Variants in MLLT10 observed in about 807,000 individuals in gnomAD.
The protein encoded by MLLT10 is MLLT10 histone lysine methyltransferase DOT1L cofactor, also known as protein AF-10.
MLLT10 carries 30 observed loss-of-function variants against 129.1 expected under a neutral mutation model. That is an observed-to-expected ratio of 0.23 (90% CI 0.17 to 0.32). The LOEUF is 0.32. Among genes scored for constraint, MLLT10 ranks in the 10% least tolerant of loss-of-function variants. The probability of loss-of-function intolerance (pLI) is 1.00; values close to 1 mark genes in which losing one functional copy is unlikely to be tolerated. For missense variants in MLLT10, 1,119 were observed against 1,268.3 expected, an observed-to-expected ratio of 0.88 and a Z score of 1.79; for synonymous variants, 490 against 446.4, an observed-to-expected ratio of 1.10 and a Z score of -1.23.
At chr10:21,688,656 G>C in intron 13 of MLLT10, 1 of 700,186 alleles carries the variant, frequency 1.4e-6, no homozygotes, top group Non-Finnish European at 2.3e-6. Context: ...AAAAAAAAAT[G>C]ATGCCTGAAA....
chr10:21,681,222 T>C, intron 11 of MLLT10, 110 bp from the exon 12 acceptor site: 1 of 1,417,802 alleles, frequency 7.1e-7, no homozygotes, highest in Non-Finnish European at 9.8e-7. Flanking sequence ...GTGGCCTACT[T>C]AACTACACTT....
chr10:21,647,274 A>T (rs1748041188), intron 8 of MLLT10, among the ~76,000 whole-genome samples: 1 of 152,036 alleles, frequency 6.6e-6, no homozygotes, highest in African/African-American at 2.4e-5. Flanking sequence ...AAGTATGATA[A>T]ACTGTATTTA....
chr10:21,740,070 A>G lies in MLLT10; in HGVS notation c.2996A>G (p.His999Arg), dbSNP rs757775439. The change falls in exon 22 of 23, where the codon CAC (histidine) becomes CGC (arginine). Residue 999 changes from histidine (H) to arginine (R), a missense_variant. This residue lies in a region of MLLT10 where 1,004 missense variants were observed against 1,008.7 expected (regional missense o/e 1.00). Transcript: ENST00000307729. ...QAFLYQLMQH[H>R]HQQHHQPELQ... The stretch of plus-strand genomic sequence containing the variant: ...TTTTTGTATCAGTTAATGCAACATC[A>G]CCACCAGCAGCACCACCAACCTGAA... 6.2e-7 allele frequency: 1 copy of G among 1,613,576 alleles called. No individual in the cohort carries two copies. Among genetic ancestry groups the G allele is most frequent in the African/African-American group, 1.3e-5 (1 of 74,996 alleles).
At chr10:21,603,057 T>G (rs1410670326) in intron 5 of MLLT10, among the ~76,000 whole-genome samples, 1 of 151,504 alleles carries the variant, frequency 6.6e-6, no homozygotes, top group Admixed American at 6.6e-5. Context: ...TCAAAAAATT[T>G]TTTTCTTTTT....
intron 3 of MLLT10, among the ~76,000 whole-genome samples, chr10:21,569,853 G>A (rs1396345690): frequency 6.6e-6 from 1 of 152,064 alleles, no homozygotes; most frequent in Non-Finnish European, 1.5e-5. Context: ...TAGCCTTCCC[G>A]AGTAGCTAGA....
chr10:21,672,168 AGTGTGTGTGT>A (rs55769872), intron 10 of MLLT10, among the ~76,000 whole-genome samples: 90 of 134,376 alleles, frequency 6.7e-4, no homozygotes, highest in Middle Eastern at 3.8e-3. Context: ...CCAGGTTTTC[AGTGTGTGTGT>A]GTGTGTGTGT....
At chr10:21,728,604 TTTG>T (rs2057703326) in intron 16 of MLLT10, among the ~76,000 whole-genome samples, 2 of 152,190 alleles carry the variant, frequency 1.3e-5, no homozygotes, top group African/African-American at 4.8e-5. Context: ...GTGCGTTCTC[TTTG>T]TTTTCTCCAT....
At chr10:21,581,101 A>G (rs967940209) in intron 3 of MLLT10, among the ~76,000 whole-genome samples, 1 of 146,292 alleles carries the variant, frequency 6.8e-6, no homozygotes, top group South Asian at 2.1e-4. Context: ...GCTAGAGTGC[A>G]GTGGCACGAT....
At chr10:21,709,248 C>CT (rs2055843320) in intron 13 of MLLT10, among the ~76,000 whole-genome samples, 1 of 113,838 alleles carries the variant, frequency 8.8e-6, no homozygotes, top group East Asian at 2.7e-4. Context: ...TTTTTTTTTC[C>CT]TTTTTTTGAG....
intron 8 of MLLT10, among the ~76,000 whole-genome samples, chr10:21,641,304 A>G (rs2047975660): frequency 2.0e-5 from 3 of 152,250 alleles, no homozygotes; most frequent in Admixed American, 6.5e-5. Context: ...ATTGAGAAAT[A>G]GCCATCACTT....
intron 13 of MLLT10, among the ~76,000 whole-genome samples, chr10:21,704,368 T>C (rs2055282217): frequency 7.8e-6 from 1 of 128,100 alleles, no homozygotes; most frequent in African/African-American, 2.7e-5. Flanking sequence ...TATATATATA[T>C]ATATATATAT....
intron 8 of MLLT10, among the ~76,000 whole-genome samples, chr10:21,617,734 T>A (rs1053049885): frequency 3.3e-5 from 5 of 152,226 alleles, no homozygotes; most frequent in African/African-American, 4.8e-5. Flanking sequence ...CTAATCTGTC[T>A]TTTTCTGACT....
chr10:21,658,135 A>C (rs1016364922), intron 9 of MLLT10, among the ~76,000 whole-genome samples: 5 of 152,204 alleles, frequency 3.3e-5, no homozygotes, highest in African/African-American at 1.2e-4. Context: ...TCATAAATAT[A>C]TTATACACGA....
intron 3 of MLLT10, among the ~76,000 whole-genome samples, chr10:21,560,595 C>A (rs1014727313): frequency 4.6e-5 from 7 of 151,990 alleles, no homozygotes; most frequent in African/African-American, 1.7e-4. Context: ...ACTACCACCA[C>A]CACCACCACC....
At chr10:21,609,528 A>G (rs951445776) in intron 5 of MLLT10, among the ~76,000 whole-genome samples, 1 of 152,198 alleles carries the variant, frequency 6.6e-6, no homozygotes, top group African/African-American at 2.4e-5. Flanking sequence ...AAATCCTGAT[A>G]CAATTTCTCC....
At chr10:21,563,130 T>C (rs2039074821) in intron 3 of MLLT10, among the ~76,000 whole-genome samples, 1 of 152,188 alleles carries the variant, frequency 6.6e-6, no homozygotes, top group Non-Finnish European at 1.5e-5. Context: ...CCACACCTGC[T>C]TTCCTCCTGC....
intron 8 of MLLT10, among the ~76,000 whole-genome samples, chr10:21,644,696 C>T (rs2048321683): frequency 1.3e-5 from 2 of 152,104 alleles, no homozygotes; most frequent in Admixed American, 1.3e-4. Context: ...AGCTGGAGTG[C>T]AGTGGCATGA....
chr10:21,691,735 T>C (rs1313883425), intron 13 of MLLT10, among the ~76,000 whole-genome samples: 1 of 152,014 alleles, frequency 6.6e-6, no homozygotes, highest in Non-Finnish European at 1.5e-5. Flanking sequence ...TCAGCTATAT[T>C]TTATAATAGT....
chr10:21,562,622 G>A (rs927747821), intron 3 of MLLT10, among the ~76,000 whole-genome samples: 1 of 152,008 alleles, frequency 6.6e-6, no homozygotes, highest in African/African-American at 2.4e-5. Context: ...ACAGGTGTGA[G>A]CCACCACACC....
Sources: allele counts gnomAD v4.1 joint callset (sites outside exome capture counted in the v4.1 genomes callset), GRCh38; gene constraint gnomAD v4.1.1; regional missense constraint gnomAD v4.1.1; transcripts MANE v1.5; gene names NCBI Gene and HGNC (gene_info 2026-07-23, HGNC 2026-07-21).